Variants in STPG2 observed in about 807,000 individuals in gnomAD.
STPG2 encodes sperm tail PG-rich repeat containing 2.
Under a neutral mutation model 54.2 loss-of-function variants are expected in STPG2, and 56 were observed. The observed-to-expected ratio is 1.03, with a 90% CI of 0.83 to 1.29. STPG2 has a LOEUF of 1.29. Ranked by LOEUF, STPG2 falls within the 50% of genes most tolerant of loss-of-function variation. The pLI is 0.00. For missense variants in STPG2, 596 were observed against 544.9 expected (o/e 1.09, Z -0.93); for synonymous variants, 200 against 181.8 (o/e 1.10, Z -0.81).
At chr4:97,615,736 T>G (rs1733844630) in intron 10 of STPG2, among the ~76,000 whole-genome samples, 1 of 151,882 alleles carries the variant, frequency 6.6e-6, no homozygotes, top group Non-Finnish European at 1.5e-5. Context: ...TGAAAAGCTG[T>G]GTACCATTGA....
intron 10 of STPG2, among the ~76,000 whole-genome samples, chr4:97,572,364 A>G (rs1732622270): frequency 6.6e-6 from 1 of 152,114 alleles, no homozygotes; most frequent in African/African-American, 2.4e-5. Context: ...TAGATTTGTT[A>G]AGATTTTCTC....
intron 9 of STPG2, among the ~76,000 whole-genome samples, chr4:97,737,521 C>A (rs1292977513): frequency 1.3e-5 from 2 of 152,098 alleles, no homozygotes; most frequent in African/African-American, 4.8e-5. Flanking sequence ...CTTAAAGGAG[C>A]TGATGGAGCT....
At chr4:97,860,710 G>T (rs532051359) in intron 8 of STPG2, among the ~76,000 whole-genome samples, 1 of 152,046 alleles carries the variant, frequency 6.6e-6, no homozygotes, top group East Asian at 1.9e-4. Flanking sequence ...ATACATGACC[G>T]TATCATCAGC....
At chr4:97,497,873 C>T (rs760779176) in intron 4 of STPG2, among the ~76,000 whole-genome samples, 10 of 151,744 alleles carry the variant, frequency 6.6e-5, no homozygotes, top group Admixed American at 4.6e-4. Flanking sequence ...CTCATTATCC[C>T]TAGGTTTTCT....
intron 7 of STPG2, among the ~76,000 whole-genome samples, chr4:97,948,371 C>A (rs1733329101): frequency 6.6e-6 from 1 of 152,022 alleles, no homozygotes; most frequent in South Asian, 2.1e-4. Context: ...AAGGAACCAA[C>A]TTTTTGTTTC....
At chr4:97,971,023 A>G (rs1734306810) in intron 7 of STPG2, among the ~76,000 whole-genome samples, 2 of 152,236 alleles carry the variant, frequency 1.3e-5, no homozygotes, top group South Asian at 4.1e-4. Flanking sequence ...TCTCAAAAGA[A>G]GACAGTAATG....
At chr4:97,796,354 A>C (rs1325113796) in intron 9 of STPG2, among the ~76,000 whole-genome samples, 2 of 152,174 alleles carry the variant, frequency 1.3e-5, no homozygotes, top group Non-Finnish European at 2.9e-5. Context: ...GAAGTCTTTA[A>C]TCCATCTTGA....
intron 4 of STPG2, among the ~76,000 whole-genome samples, chr4:97,483,370 G>A (rs1402965306): frequency 6.6e-6 from 1 of 151,596 alleles, no homozygotes; most frequent in African/African-American, 2.4e-5. Flanking sequence ...AAAGTAAAGG[G>A]GTAGAAAAAG....
At chr4:97,833,000 G>GA (rs1728515094) in intron 9 of STPG2, among the ~76,000 whole-genome samples, 2 of 152,032 alleles carry the variant, frequency 1.3e-5, no homozygotes, top group South Asian at 4.1e-4. Flanking sequence ...CTCAGTATTG[G>GA]AAAAAACTAC....
At chr4:97,903,140 C>T (rs1399303401) in intron 8 of STPG2, among the ~76,000 whole-genome samples, 3 of 152,008 alleles carry the variant, frequency 2.0e-5, no homozygotes, top group Non-Finnish European at 2.9e-5. Context: ...ACACCTACCG[C>T]ACAGCATAGT....
intron 5 of STPG2, among the ~76,000 whole-genome samples, chr4:98,055,778 T>C (rs1024055418): frequency 6.6e-6 from 1 of 152,106 alleles, no homozygotes; most frequent in Non-Finnish European, 1.5e-5. Flanking sequence ...AGGGAAGTCT[T>C]GGAAATCAGA....
chr4:97,641,631 C>T (rs1402480216), intron 10 of STPG2, among the ~76,000 whole-genome samples: 3 of 151,186 alleles, frequency 2.0e-5, no homozygotes, highest in African/African-American at 4.8e-5. Flanking sequence ...CAGTTATACA[C>T]AGATTTTTTT....
At chr4:97,864,384 G>A (rs538242959) in intron 8 of STPG2, among the ~76,000 whole-genome samples, 13 of 152,154 alleles carry the variant, frequency 8.5e-5, no homozygotes, top group Admixed American at 1.3e-4. Context: ...AACTTACAAG[G>A]GACGTGAAGG....
intron 8 of STPG2, among the ~76,000 whole-genome samples, chr4:97,873,563 T>A (rs932718255): frequency 2.0e-5 from 3 of 150,856 alleles, no homozygotes; most frequent in Non-Finnish European, 4.5e-5. Flanking sequence ...TAATATGTAA[T>A]GTTGTACAAT....
At chr4:97,899,347 C>A (rs10008654) in intron 8 of STPG2, among the ~76,000 whole-genome samples, 56,653 of 151,616 alleles carry the variant, frequency 0.37, 10,642 homozygotes, top group Middle Eastern at 0.46. Flanking sequence ...GAAAAAGCAT[C>A]CCATGCTCAT....
intron 4 of STPG2, among the ~76,000 whole-genome samples, chr4:97,481,173 CT>C (rs1290053532): frequency 6.6e-6 from 1 of 151,504 alleles, no homozygotes; most frequent in Admixed American, 6.6e-5. Flanking sequence ...TATTGAATAA[CT>C]TTAGCATCTA....
intron 5 of STPG2, among the ~76,000 whole-genome samples, chr4:98,077,173 A>G (rs964664003): frequency 6.6e-5 from 10 of 152,192 alleles, no homozygotes; most frequent in Non-Finnish European, 1.5e-4. Flanking sequence ...TTCTAATACA[A>G]TAAGAAACAC....
chr4:97,986,439 G>T (rs933330860), intron 5 of STPG2, among the ~76,000 whole-genome samples: 3 of 152,296 alleles, frequency 2.0e-5, no homozygotes, highest in African/African-American at 4.8e-5. Flanking sequence ...TATGACTGTT[G>T]TATCACTAGT....
intron 8 of STPG2, among the ~76,000 whole-genome samples, chr4:97,918,079 A>AC (rs1198204943): frequency 2.0e-5 from 3 of 152,006 alleles, no homozygotes; most frequent in East Asian, 1.9e-4. Context: ...ATAAAAAAAA[A>AC]CCTAAATCTC....
Sources: gnomAD v4.1 joint callset for allele counts (sites outside exome capture counted in the v4.1 genomes callset) on GRCh38, gnomAD v4.1.1 for gene constraint, MANE v1.5 for transcripts, NCBI Gene and HGNC (gene_info 2026-07-23, HGNC 2026-07-21) for gene names.